Variants in EPHB1 observed in about 807,000 individuals in gnomAD.
EPHB1 encodes the protein EPH receptor B1.
Under a neutral mutation model 94.4 loss-of-function variants are expected in EPHB1, and 30 were observed. That is an observed-to-expected ratio of 0.32 (90% confidence interval 0.24 to 0.43). The LOEUF is 0.43. Ranked by LOEUF, EPHB1 falls within the 20% of genes least tolerant of loss-of-function variation. EPHB1 has a pLI of 1.00. For synonymous variants in EPHB1, 522 were observed against 489.1 expected (o/e 1.07, Z -0.89); for missense variants, 1,055 against 1,308.3 (o/e 0.81, Z 2.99).
chr3:134,812,663 A>G (rs910206390), intron 1 of EPHB1, among the ~76,000 whole-genome samples: 1 of 152,236 alleles, frequency 6.6e-6, no homozygotes, highest in Non-Finnish European at 1.5e-5. Flanking sequence ...TGTAAGGTTA[A>G]CTTGGTAAGA....
At chr3:134,843,905 C>T (rs1379104424) in intron 1 of EPHB1, among the ~76,000 whole-genome samples, 1 of 151,918 alleles carries the variant, frequency 6.6e-6, no homozygotes, top group Non-Finnish European at 1.5e-5. Flanking sequence ...TAGATAGTTT[C>T]TATTGATTGC....
chr3:135,162,522 C>T (rs1005121852), intron 7 of EPHB1, among the ~76,000 whole-genome samples: 15 of 152,170 alleles, frequency 9.9e-5, no homozygotes, highest in Non-Finnish European at 2.2e-4. Flanking sequence ...CCACTTCACT[C>T]CTCTGTGCTT....
chr3:134,853,841 A>AG (rs1491012732), intron 1 of EPHB1, among the ~76,000 whole-genome samples: 1 of 152,196 alleles, frequency 6.6e-6, no homozygotes, highest in African/African-American at 2.4e-5. Context: ...AAACAGAGAC[A>AG]GGGGTTCCAT....
In EPHB1 at chr3:134,951,739, C is replaced by T. The variant is rs376290716; in HGVS notation, c.492C>T (p.Ser164=). 21 of 1,613,948 alleles carry T rather than the reference C, an allele frequency of 1.3e-5. No homozygotes were observed. Among genetic ancestry groups the T allele is most frequent in the Non-Finnish European group, 1.7e-5 (20 of 1,179,952 alleles). ...TGAAGGTAAACACAGAAGTCAGGAG[C>T]TTTGGGCCTCTTACTCGGAATGGTT... ...RLMKVNTEVR[S]FGPLTRNGFY... is the part of the protein sequence containing the mutation. Residue 164 remains serine, a synonymous_variant, in exon 3 of 16, where the codon AGC becomes AGT. Transcript: ENST00000398015. The surrounding 1 kb of genome is among the most constrained non-coding windows in gnomAD (Gnocchi z 4.5).
At chr3:134,885,610 C>A (rs1468609231) in intron 1 of EPHB1, among the ~76,000 whole-genome samples, 2 of 152,208 alleles carry the variant, frequency 1.3e-5, no homozygotes, top group African/African-American at 4.8e-5. Context: ...AAACCAATTT[C>A]CTTCTATAGC....
intron 1 of EPHB1, among the ~76,000 whole-genome samples, chr3:134,906,158 C>T (rs892480902): frequency 1.3e-5 from 2 of 152,172 alleles, no homozygotes; most frequent in African/African-American, 4.8e-5. Context: ...GGCCTGTGTT[C>T]CCCATGTTTA....
chr3:134,852,628 T>G (rs10935135), intron 1 of EPHB1: 129,852 of 152,110 alleles, frequency 0.85, 56,573 homozygotes, highest in Non-Finnish European at 0.93. Flanking sequence ...TCTGACACTT[T>G]GGGTGCAGGT....
intron 2 of EPHB1, among the ~76,000 whole-genome samples, chr3:134,940,974 A>G (rs1362207590): frequency 6.6e-6 from 1 of 152,248 alleles, no homozygotes; most frequent in African/African-American, 2.4e-5. Context: ...TTAGGTCAAC[A>G]GAGGCCAAAA....
intron 1 of EPHB1, among the ~76,000 whole-genome samples, chr3:134,828,452 C>T (rs773173633): frequency 6.6e-6 from 1 of 152,076 alleles, no homozygotes; most frequent in African/African-American, 2.4e-5. Flanking sequence ...GAGCCTAGTC[C>T]CTAGTTGAGC....
intron 1 of EPHB1, among the ~76,000 whole-genome samples, chr3:134,821,123 GA>G (rs112021479): frequency 3.3e-5 from 5 of 152,264 alleles, no homozygotes; most frequent in African/African-American, 1.2e-4. Context: ...CCAAAGGTAG[GA>G]AAAAAGCTGA....
Position 135,232,843 on chromosome 3 carries a change from G to A in EPHB1, c.2347-8305G>A, listed in dbSNP as rs554639123. On this transcript the variant is annotated intron_variant, in intron 12 of 15. Coordinates refer to ENST00000398015, the MANE Select transcript of EPHB1 (RefSeq NM_004441.5). ...GCAAACATGTCTTTCTTCACATGGC[G>A]GCAGCAAGAAGTGCCAAGCAAAAGG... is the stretch of plus-strand genomic sequence containing the variant. 1.8e-4 allele frequency among the ~76,000 whole-genome samples: 27 copies of A among 152,192 alleles called. 1 individual carries two copies. The highest frequency in any genetic ancestry group is 1.5e-3 in the South Asian group (7 of 4,812).
intron 1 of EPHB1, among the ~76,000 whole-genome samples, chr3:134,924,920 C>T (rs142017155): frequency 2.0e-5 from 3 of 152,166 alleles, no homozygotes; most frequent in East Asian, 3.9e-4. Context: ...GGGTTAGGAG[C>T]AGGAGGAAGA....
chr3:135,074,354 A>G (rs1409419982), intron 3 of EPHB1, among the ~76,000 whole-genome samples: 1 of 152,196 alleles, frequency 6.6e-6, no homozygotes, highest in Non-Finnish European at 1.5e-5. Context: ...GAATAAATGC[A>G]AGTTTAGAAT....
intron 1 of EPHB1, among the ~76,000 whole-genome samples, chr3:134,884,517 T>C (rs2037823621): frequency 6.6e-6 from 1 of 152,228 alleles, no homozygotes; most frequent in Admixed American, 6.5e-5. Flanking sequence ...CTATTTTTGC[T>C]AGAGAATATG....
intron 1 of EPHB1, among the ~76,000 whole-genome samples, chr3:134,923,063 G>A (rs879257329): frequency 6.6e-6 from 1 of 152,078 alleles, no homozygotes; most frequent in Non-Finnish European, 1.5e-5. Context: ...AAGTGGAGAT[G>A]GGGGGAGGGA....
At chr3:135,066,846 A>G (rs924530315) in intron 3 of EPHB1, among the ~76,000 whole-genome samples, 1 of 152,102 alleles carries the variant, frequency 6.6e-6, no homozygotes, top group Non-Finnish European at 1.5e-5. Context: ...AAAGGGCTGA[A>G]GGCTGTTATT....
intron 3 of EPHB1, among the ~76,000 whole-genome samples, chr3:135,018,375 C>T (rs1046496394): frequency 2.0e-5 from 3 of 152,136 alleles, no homozygotes; most frequent in Non-Finnish European, 4.4e-5. Flanking sequence ...GATGCTCCTC[C>T]CACCTCCAGG....
At chr3:134,904,486 G>A (rs2038275563) in intron 1 of EPHB1, among the ~76,000 whole-genome samples, 1 of 152,152 alleles carries the variant, frequency 6.6e-6, no homozygotes, top group African/African-American at 2.4e-5. Flanking sequence ...GTGGTCTGTG[G>A]TGGGGGGTGG....
At chr3:134,961,458 C>T (rs1442977893) in intron 3 of EPHB1, among the ~76,000 whole-genome samples, 1 of 152,242 alleles carries the variant, frequency 6.6e-6, no homozygotes, top group African/African-American at 2.4e-5. Flanking sequence ...AACTTTTATA[C>T]AAATCTCCAC....
Sources: allele counts gnomAD v4.1 joint callset (sites outside exome capture counted in the v4.1 genomes callset), GRCh38; gene constraint gnomAD v4.1.1; non-coding constraint Gnocchi (gnomAD v3.1); transcripts MANE v1.5; gene names NCBI Gene and HGNC (gene_info 2026-07-23, HGNC 2026-07-21).